ZNF280B: variants seen among roughly 807,000 people sequenced by gnomAD.
The protein encoded by ZNF280B is zinc finger protein 280B.
In ZNF280B, 16 loss-of-function variants were observed where a neutral mutation model predicts 38.0. The ratio of observed to expected loss-of-function variants is 0.42; its 90% CI spans 0.28 to 0.64. ZNF280B has a LOEUF of 0.64. Among genes scored for constraint, ZNF280B ranks in the 30% least tolerant of loss-of-function variants. The pLI, the probability that ZNF280B is intolerant of heterozygous loss-of-function variation, is 0.21. For missense variants in ZNF280B, 581 were observed against 639.6 expected (o/e 0.91, Z 0.99); for synonymous variants, 253 against 230.6 (o/e 1.10, Z -0.88).
At chr22:22,506,345 G>A (rs1426166756) in intron 2 of ZNF280B, among the ~76,000 whole-genome samples, 1 of 151,800 alleles carries the variant, frequency 6.6e-6, no homozygotes, top group Non-Finnish European at 1.5e-5. Flanking sequence ...CAGCCATTCA[G>A]GTGGGAGGAG....
At chr22:22,507,700 A>T (rs577684059) in intron 2 of ZNF280B, 110 bp downstream of exon 2, 3 of 151,956 alleles carry the variant, frequency 2.0e-5, no homozygotes. Flanking sequence ...CCCTCAGTAA[A>T]ATATTGAATA....
chr22:22,507,315 C>A lies in ZNF280B; in HGVS notation c.-187+495G>T, dbSNP rs181741184. Among the ~76,000 whole-genome samples the A allele has an allele frequency of 1.5e-3, 228 of 151,964 alleles. 3 individuals are homozygous for A. The highest frequency in any genetic ancestry group is 0.014 in the Middle Eastern group (4 of 288). On this transcript the variant is annotated intron_variant, in intron 2 of 3. Transcript: ENST00000626650. ...ATGAGGTAATAAATTTTTTTTTAAA[C>A]TACTAAGTTTTGAGACAATTTGTTA...
intron 2 of ZNF280B, among the ~76,000 whole-genome samples, chr22:22,497,581 A>C (rs572963507): frequency 1.3e-5 from 2 of 151,988 alleles, no homozygotes; most frequent in South Asian, 4.2e-4. Context: ...TGATGTAAAG[A>C]GGGGTTGTGG....
At chr22:22,489,793 A>G (rs1382575997) in intron 3 of ZNF280B, among the ~76,000 whole-genome samples, 3 of 151,936 alleles carry the variant, frequency 2.0e-5, no homozygotes, top group African/African-American at 4.8e-5. Flanking sequence ...GGAGTTGAAG[A>G]GTAAGCTGGA....
intron 2 of ZNF280B, among the ~76,000 whole-genome samples, chr22:22,502,356 T>C (rs2061842778): frequency 6.6e-6 from 1 of 151,970 alleles, no homozygotes; most frequent in South Asian, 2.1e-4. Context: ...GGTGATAATA[T>C]AAACTTGTAC....
At position 22,488,993 on chromosome 22, in the gene ZNF280B, T is replaced by C. The variant is rs752178660; in HGVS notation, c.406A>G (p.Asn136Asp). Residue 136 changes from asparagine to aspartate, a missense_variant, in exon 4 of 4, where the codon AAT becomes GAT. Asn to Asp is a conservative substitution (Grantham distance 23, BLOSUM62 1). Coordinates refer to ENST00000626650, the MANE Select transcript of ZNF280B (RefSeq NM_080764.4). The part of the protein sequence containing the change: ...YRNSSPQVVP[N>D]NSSELPSPLI... ...GGAGAAGGTAATTCTGAAGAGTTATTAGGCACAACTTGTGGTGAACTATTT... is the reference window on the plus strand; with the variant it reads ...GGAGAAGGTAATTCTGAAGAGTTATCAGGCACAACTTGTGGTGAACTATTT... The C allele has an allele frequency of 8.1e-6, 13 of 1,613,714 alleles. No homozygotes were observed. The East Asian group carries it at 2.9e-4, about 36-fold the overall frequency.
intron 1 of ZNF280B, among the ~76,000 whole-genome samples, chr22:22,508,360 G>T (rs1329653844): frequency 1.3e-5 from 2 of 151,918 alleles, no homozygotes; most frequent in Admixed American, 1.3e-4. Context: ...TGGGAGCCAG[G>T]AAAGGCCCCT....
rs1471020119 is a variant in ZNF280B, at chr22:22,487,465, A to G, written c.*302T>C. On this transcript the variant is annotated 3_prime_UTR_variant, in exon 4 of 4. Coordinates refer to ENST00000626650, the MANE Select transcript of ZNF280B (RefSeq NM_080764.4). ...TCTAAAGTAAAAAAAAAAAAAAAAAAAAAAAAAAAAATTAAAATTAAAAAA... is the reference window on the plus strand; with the variant it reads ...TCTAAAGTAAAAAAAAAAAAAAAAAGAAAAAAAAAAATTAAAATTAAAAAA... 6.3e-6 allele frequency: 1 copy of G among 157,882 alleles called. No homozygotes were observed. The highest frequency in any genetic ancestry group is 1.7e-4 in the East Asian group (1 of 5,730). The allele number at this position is 157,882 out of a possible 1,614,324, so 9.8% of individuals were successfully genotyped here.
At position 22,487,447 on chromosome 22, in the gene ZNF280B, T is replaced by TAAAAAAAAAAAAAAAAAAAA. The variant is rs71199481; in HGVS notation, c.*300_*319dup. ...TAACAGTGAGACCCTGTCTCTAAAGTAAAAAAAAAAAAAAAAAAAAAAAAA... is the reference window on the plus strand; with the variant it reads ...TAACAGTGAGACCCTGTCTCTAAAGTAAAAAAAAAAAAAAAAAAAAAAAAAAAAAAAAAAAAAAAAAAAAA... On this transcript the variant is annotated 3_prime_UTR_variant, in exon 4 of 4. Coordinates refer to ENST00000626650, the MANE Select transcript of ZNF280B (RefSeq NM_080764.4). 5 of 66,758 alleles carry TAAAAAAAAAAAAAAAAAAAA rather than the reference T, an allele frequency of 7.5e-5. No individual in the cohort carries two copies. Among genetic ancestry groups the TAAAAAAAAAAAAAAAAAAAA allele is most frequent in the Non-Finnish European group, 1.0e-4 (3 of 29,846 alleles). 4.1% of individuals were successfully genotyped at this position (66,758 alleles called of 1,614,324 possible).
At chr22:22,496,469 A>G (rs1390186739) in intron 2 of ZNF280B, among the ~76,000 whole-genome samples, 2 of 151,968 alleles carry the variant, frequency 1.3e-5, no homozygotes, top group East Asian at 3.9e-4. Context: ...AGTATTTATT[A>G]AAAAATATTT....
At chr22:22,490,420 C>G (rs1205736448) in intron 3 of ZNF280B, among the ~76,000 whole-genome samples, 1 of 152,012 alleles carries the variant, frequency 6.6e-6, no homozygotes, top group Non-Finnish European at 1.5e-5. Flanking sequence ...TCATACTACT[C>G]TCCACTATCC....
intron 2 of ZNF280B, among the ~76,000 whole-genome samples, chr22:22,498,793 CTTTTTT>C (rs60940298): frequency 1.2e-5 from 1 of 83,632 alleles, no homozygotes; most frequent in Non-Finnish European, 2.0e-5. Flanking sequence ...GGCCAATATC[CTTTTTT>C]TTTTTTTTTT....
Position 22,488,968 on chromosome 22 carries a change from G to C in ZNF280B, c.431C>G (p.Pro144Arg). The change falls in exon 4 of 4, where the codon CCT becomes CGT. Residue 144 changes from proline to arginine, a missense_variant. Transcript: ENST00000626650. ...CAATGAATCTGTGAATGTAATCAAA[G>C]GAGAAGGTAATTCTGAAGAGTTATT... ...VPNNSSELPS[P>R]LITFTDSLHH... 6.2e-7 allele frequency: 1 copy of C among 1,613,828 alleles called. No homozygotes were observed. The highest frequency in any genetic ancestry group is 8.5e-7 in the Non-Finnish European group (1 of 1,179,966).
rs117689539 is a variant in ZNF280B at position 22,502,312 on chromosome 22, G to A, written c.-187+5498C>T. On this transcript the variant is annotated intron_variant, in intron 2 of 3. Transcript: ENST00000626650. ...CAAAAACAATCTCAAGCGTTGCAGAGGATGTGCAGCTATCTGAACCCTCAA... is the reference window on the plus strand; with the variant it reads ...CAAAAACAATCTCAAGCGTTGCAGAAGATGTGCAGCTATCTGAACCCTCAA... 1.3e-3 allele frequency among the ~76,000 whole-genome samples: 193 copies of A among 152,080 alleles called. 8 individuals carry two copies. The East Asian group carries it at 0.019, about 15-fold the overall frequency.
At chr22:22,498,629 C>T (rs2061748056) in intron 2 of ZNF280B, among the ~76,000 whole-genome samples, 1 of 151,768 alleles carries the variant, frequency 6.6e-6, no homozygotes, top group South Asian at 2.1e-4. Flanking sequence ...CTAGTAAATT[C>T]TTAACGTTTT....
rs2061506116 is a variant in ZNF280B at position 22,486,668 on chromosome 22, G to A, written c.*1099C>T. On this transcript the variant is annotated 3_prime_UTR_variant, in exon 4 of 4. Coordinates refer to ENST00000626650, the MANE Select transcript of ZNF280B (RefSeq NM_080764.4). ...TCACCTCAAACCAATGATACATGAC[G>A]GCTGTTTGATGTCTGCAGGGGCCCT... 1 of 151,926 alleles carries A rather than the reference G, an allele frequency of 6.6e-6. No homozygotes were observed. Among genetic ancestry groups the A allele is most frequent in the Admixed American group, 6.6e-5 (1 of 15,226 alleles). The allele number at this position is 151,926 out of a possible 1,614,324, so 9.4% of individuals were successfully genotyped here.
chr22:22,509,134 G>C (rs1181852635), upstream of ZNF280B: 2 of 152,574 alleles, frequency 1.3e-5, no homozygotes, highest in Non-Finnish European at 2.9e-5. Flanking sequence ...TGGGGGGTAG[G>C]CTTCCAGTCC....
rs758374274 is a variant in ZNF280B at position 22,489,202 on chromosome 22, G to A, written c.197C>T (p.Pro66Leu). 7 of 1,613,698 alleles carry A rather than the reference G, an allele frequency of 4.3e-6. No homozygotes were observed. Among genetic ancestry groups the A allele is most frequent in the Non-Finnish European group, 5.9e-6 (7 of 1,179,936 alleles). Reference sequence around the variant, plus strand: ...CTTTTTTCTCCTTGACCATGAACCCGGGGTGACTCTGTTCAAAATGTTTGA... The same window carrying A: ...CTTTTTTCTCCTTGACCATGAACCCAGGGTGACTCTGTTCAAAATGTTTGA... Reference protein sequence around the residue: ...VVSNILNRVTPGSWSRRKKYD... With the variant: ...VVSNILNRVTLGSWSRRKKYD... Residue 66 changes from proline (P) to leucine (L), a missense_variant, in exon 4 of 4, where the codon CCG (proline) becomes CTG (leucine). By Grantham distance (98) the Pro-to-Leu change is moderately conservative. Coordinates refer to ENST00000626650, the MANE Select transcript of ZNF280B (RefSeq NM_080764.4).
chr22:22,501,823 A>C lies in ZNF280B; in HGVS notation c.-187+5987T>G, dbSNP rs900680027. ...TCAGGAATTCCAGACCAGCTTGTAC[A>C]ACATAGTGAGACCCTACCTCTACAA... On this transcript the variant is annotated intron_variant, in intron 2 of 3. Transcript: ENST00000626650. Among the ~76,000 whole-genome samples, 5 of 151,934 alleles carry C rather than the reference A, an allele frequency of 3.3e-5. No individual in the cohort carries two copies. The South Asian group carries it at 1.0e-3, about 32-fold the overall frequency.
Sources: gnomAD v4.1 joint callset for allele counts (sites outside exome capture counted in the v4.1 genomes callset) on GRCh38, gnomAD v4.1.1 for gene constraint, MANE v1.5 for transcripts, NCBI Gene and HGNC (gene_info 2026-07-23, HGNC 2026-07-21) for gene names.